The following ATG10 variants were observed in gnomAD, a reference collection of about 807,000 sequenced individuals.
ATG10 encodes the protein autophagy related 10.
Under a neutral mutation model 32.1 loss-of-function variants are expected in ATG10, and 30 were observed. The observed-to-expected ratio is 0.94, with a 90% CI of 0.70 to 1.27. ATG10 has a LOEUF of 1.27. ATG10 is among the 50% of genes most tolerant of loss of function. ATG10 has a pLI of 0.00. For synonymous variants in ATG10, 87 were observed against 91.5 expected (o/e 0.95, Z 0.28); for missense variants, 233 against 262.3 (o/e 0.89, Z 0.77).
chr5:82,197,734 CT>C (rs1240891515), intron 5 of ATG10, among the ~76,000 whole-genome samples: 1 of 140,648 alleles, frequency 7.1e-6, no homozygotes, highest in Non-Finnish European at 1.5e-5. Flanking sequence ...ATCTATCTAT[CT>C]ATCTATCTAT....
intron 1 of ATG10, among the ~76,000 whole-genome samples, chr5:81,978,938 C>T (rs996976029): frequency 6.6e-6 from 1 of 151,742 alleles, no homozygotes; most frequent in African/African-American, 2.4e-5. Flanking sequence ...CTCGCTTTGT[C>T]GCCCAGGCTG....
intron 5 of ATG10, among the ~76,000 whole-genome samples, chr5:82,246,069 AC>A (rs1747018278): frequency 8.7e-6 from 1 of 115,404 alleles, no homozygotes; most frequent in South Asian, 3.4e-4. Flanking sequence ...CTTAATACTG[AC>A]CTTTTTTTTT....
intron 5 of ATG10, among the ~76,000 whole-genome samples, chr5:82,230,946 A>G (rs1228910016): frequency 1.3e-5 from 2 of 152,256 alleles, no homozygotes; most frequent in East Asian, 1.9e-4. Context: ...TATATTCACT[A>G]TGTGCATAAC....
chr5:82,047,654 C>T (rs959311911), intron 2 of ATG10, among the ~76,000 whole-genome samples: 3 of 152,230 alleles, frequency 2.0e-5, no homozygotes, highest in Non-Finnish European at 2.9e-5. Flanking sequence ...ACTTATTCCT[C>T]GGGGCCTCTG....
At chr5:82,111,041 A>G (rs1765603329) in intron 3 of ATG10, among the ~76,000 whole-genome samples, 1 of 151,948 alleles carries the variant, frequency 6.6e-6, no homozygotes, top group African/African-American at 2.4e-5. Context: ...TTTAGGATAC[A>G]TGTTTCTGTT....
intron 3 of ATG10, among the ~76,000 whole-genome samples, chr5:82,064,838 A>G (rs1479813349): frequency 6.6e-6 from 1 of 152,168 alleles, no homozygotes; most frequent in Non-Finnish European, 1.5e-5. Context: ...TGGAGGACTA[A>G]CTATAGGTAC....
At chr5:82,164,999 A>G (rs998912384) in intron 4 of ATG10, among the ~76,000 whole-genome samples, 1 of 152,232 alleles carries the variant, frequency 6.6e-6, no homozygotes, top group African/African-American at 2.4e-5. Context: ...AATAGCACTA[A>G]CATTTCCTTC....
intron 5 of ATG10, among the ~76,000 whole-genome samples, chr5:82,237,535 T>A (rs374435191): frequency 1.3e-5 from 2 of 151,610 alleles, no homozygotes; most frequent in African/African-American, 2.4e-5. Flanking sequence ...TCCCAACTAC[T>A]CCGGAGGCTG....
chr5:82,059,469 G>T (rs181064861), intron 3 of ATG10, among the ~76,000 whole-genome samples: 10 of 150,428 alleles, frequency 6.6e-5, no homozygotes, highest in African/African-American at 2.0e-4. Flanking sequence ...AGTAAATGCA[G>T]ATTTCCATAG....
At chr5:82,164,604 GA>G (rs758151231) in intron 4 of ATG10, 67 bp downstream of exon 4, 163 of 1,439,628 alleles carry the variant, frequency 1.1e-4, no homozygotes, top group Non-Finnish European at 1.5e-4. Context: ...AGCATATTTG[GA>G]AAATTATTCT....
intron 3 of ATG10, among the ~76,000 whole-genome samples, chr5:82,144,238 A>T (rs1767259868): frequency 6.6e-6 from 1 of 151,712 alleles, no homozygotes; most frequent in South Asian, 2.1e-4. Context: ...GTTTTGCTAG[A>T]GGTTCATCAG....
chr5:82,206,071 T>G (rs146294892), intron 5 of ATG10, among the ~76,000 whole-genome samples: 8 of 152,188 alleles, frequency 5.3e-5, no homozygotes, highest in African/African-American at 1.9e-4. Flanking sequence ...GGTCTGAGAG[T>G]TGTTTTAAAG....
chr5:82,152,063 A>T (rs1247945940), intron 3 of ATG10, among the ~76,000 whole-genome samples: 1 of 152,250 alleles, frequency 6.6e-6, no homozygotes, highest in Non-Finnish European at 1.5e-5. Flanking sequence ...AAAATTACAT[A>T]TTCAATCAAA....
chr5:82,208,956 AT>A (rs1378918488), intron 5 of ATG10, among the ~76,000 whole-genome samples: 6 of 151,680 alleles, frequency 4.0e-5, no homozygotes, highest in Non-Finnish European at 7.4e-5. Flanking sequence ...TTAGCCTGCA[AT>A]TTTTTTTCTT....
intron 3 of ATG10, among the ~76,000 whole-genome samples, chr5:82,108,030 G>A (rs548922077): frequency 1.1e-4 from 16 of 152,134 alleles, no homozygotes; most frequent in African/African-American, 3.6e-4. Context: ...GTACTGGGAG[G>A]TGAGGTCAGA....
At chr5:82,219,025 T>C (rs532128249) in intron 5 of ATG10, among the ~76,000 whole-genome samples, 1 of 152,368 alleles carries the variant, frequency 6.6e-6, no homozygotes, top group African/African-American at 2.4e-5. Flanking sequence ...TCGCTAATGC[T>C]TCTGGGAAAT....
chr5:82,194,881 A>C (rs943979540), intron 5 of ATG10, among the ~76,000 whole-genome samples: 8 of 152,324 alleles, frequency 5.3e-5, no homozygotes, highest in Middle Eastern at 3.4e-3. Flanking sequence ...AAGGAGCTTA[A>C]GTTTCCATCG....
intron 5 of ATG10, among the ~76,000 whole-genome samples, chr5:82,203,139 A>G (rs1260103218): frequency 6.6e-6 from 1 of 151,914 alleles, no homozygotes; most frequent in Admixed American, 6.6e-5. Context: ...GAGACAGGAG[A>G]ATTGCTTGAA....
At chr5:82,125,843 T>C (rs1431728689) in intron 3 of ATG10, among the ~76,000 whole-genome samples, 8 of 152,218 alleles carry the variant, frequency 5.3e-5, no homozygotes, top group Admixed American at 5.2e-4. Flanking sequence ...GGAATAGCGT[T>C]GAATCTATAA....
Sources: gnomAD v4.1 joint callset for allele counts (sites outside exome capture counted in the v4.1 genomes callset) on GRCh38, gnomAD v4.1.1 for gene constraint, MANE v1.5 for transcripts, NCBI Gene and HGNC (gene_info 2026-07-23, HGNC 2026-07-21) for gene names.